TP53BP2: variants seen among roughly 807,000 people sequenced by gnomAD.
TP53BP2 encodes apoptosis-stimulating of p53 protein 2.
TP53BP2 carries 62 observed loss-of-function variants against 126.2 expected under a neutral mutation model. The ratio of observed to expected loss-of-function variants is 0.49; its 90% confidence interval spans 0.40 to 0.61. TP53BP2 has a LOEUF of 0.61. Among genes scored for constraint, TP53BP2 ranks in the 20% least tolerant of loss-of-function variants. The probability of loss-of-function intolerance (pLI) is 0.00; values close to 1 mark genes in which losing one functional copy is unlikely to be tolerated. For missense variants in TP53BP2, 1,215 were observed against 1,402.8 expected, an observed-to-expected ratio of 0.87 and a Z score of 2.14; for synonymous variants, 485 against 502.9, an observed-to-expected ratio of 0.96 and a Z score of 0.48.
chr1:223,802,951 A>C, intron 7 of TP53BP2, 56 bp from the exon 8 acceptor site: 14 of 1,587,082 alleles, frequency 8.8e-6, no homozygotes, highest in Non-Finnish European at 1.2e-5. Flanking sequence ...AAATGTCTCA[A>C]ACAGTTAATC....
At chr1:223,808,111 A>G (rs1425446002) in intron 4 of TP53BP2, among the ~76,000 whole-genome samples, 1 of 152,270 alleles carries the variant, frequency 6.6e-6, no homozygotes, top group Non-Finnish European at 1.5e-5. Context: ...GAGTACAAAA[A>G]TAGCCCCACA....
chr1:223,808,534 C>G (rs930591513), intron 4 of TP53BP2, among the ~76,000 whole-genome samples: 14 of 131,530 alleles, frequency 1.1e-4, no homozygotes, highest in Non-Finnish European at 1.8e-4. Context: ...GAGTGAGACT[C>G]TGTATCAAAA....
intron 7 of TP53BP2, 73 bp downstream of exon 7, chr1:223,803,198 C>T: frequency 2.0e-6 from 3 of 1,496,414 alleles, no homozygotes; most frequent in South Asian, 1.3e-5. Context: ...TCTAGCACCT[C>T]TTGCTACTTA....
Position 223,793,448 on chromosome 1 carries a change from GA to G in TP53BP2, c.2725-9del. ...CAAGTTTGTCCTTTTACCCTGCAAA[GA>G]AAATGGGTGGAAAATTTAGGATCCT... On this transcript the variant is annotated splice_polypyrimidine_tract_variant and intron_variant, in intron 13 of 17. Transcript: ENST00000343537. The G allele has an allele frequency of 6.4e-7, 1 of 1,559,180 alleles. No individual in the cohort carries two copies. The highest frequency in any genetic ancestry group is 2.1e-5 in the Admixed American group (1 of 48,510).
Position 223,782,951 on chromosome 1 carries a change from C to T in TP53BP2, c.3363+1164G>A, listed in dbSNP as rs553250021. Among the ~76,000 whole-genome samples, 86 of 152,268 alleles carry T rather than the reference C, an allele frequency of 5.6e-4. 1 individual carries two copies. The highest frequency in any genetic ancestry group is 6.8e-3 in the Middle Eastern group (2 of 294). ...AGGTGTATAAGTCATTTACACTGCA[C>T]GTTAGACAAACAACAGTGTGGAAGG... On this transcript the variant is annotated intron_variant, in intron 17 of 17. Transcript: ENST00000343537.
chr1:223,807,212 A>G (rs1662754427), intron 4 of TP53BP2, among the ~76,000 whole-genome samples: 1 of 152,250 alleles, frequency 6.6e-6, no homozygotes. Context: ...TAGTTTCAAC[A>G]GTCAGGGACA....
chr1:223,810,367 G>T, intron 4 of TP53BP2, 64 bp downstream of exon 4: 2 of 1,205,322 alleles, frequency 1.7e-6, no homozygotes, highest in South Asian at 1.7e-5. Context: ...TAATGAATAA[G>T]ATTTAAAGTT....
rs528842640 is a variant in TP53BP2, at chr1:223,812,690, G to A, written c.289+1550C>T. 6.6e-5 allele frequency among the ~76,000 whole-genome samples: 10 copies of A among 152,292 alleles called. No individual in the cohort carries two copies. The East Asian group carries it at 1.9e-3, about 29-fold the overall frequency. ...TTCTCCCGCCTCAGCCTCCCGAGTA[G>A]CTGGGATCACAGGCACATGCCACCA... On this transcript the variant is annotated intron_variant, in intron 3 of 17. Coordinates refer to ENST00000343537, the MANE Select transcript of TP53BP2 (RefSeq NM_001031685.3).
intron 14 of TP53BP2, 126 bp downstream of exon 14, chr1:223,793,177 C>T: frequency 1.3e-6 from 1 of 769,374 alleles, no homozygotes; most frequent in Admixed American, 4.0e-5. Flanking sequence ...TCTACAGTCG[C>T]TTTCTAATTA....
chr1:223,831,006 G>A (rs1663683838), intron 1 of TP53BP2, among the ~76,000 whole-genome samples: 1 of 152,068 alleles, frequency 6.6e-6, no homozygotes, highest in South Asian at 2.1e-4. Context: ...GCTGGGGCAG[G>A]AGAATGGCAT....
intron 7 of TP53BP2, 177 bp from the exon 8 acceptor site, chr1:223,803,072 G>T: frequency 1.1e-6 from 1 of 877,578 alleles, no homozygotes; most frequent in Non-Finnish European, 1.7e-6. Flanking sequence ...CACCAGCTGT[G>T]GTTATGAGGA....
intron 11 of TP53BP2, 62 bp downstream of exon 11, chr1:223,799,837 C>T: frequency 6.8e-7 from 1 of 1,464,598 alleles, no homozygotes; most frequent in South Asian, 1.5e-5. Flanking sequence ...TACTTTATCC[C>T]TTCTAAAAAC....
chr1:223,790,097 C>A (rs1662099983), intron 15 of TP53BP2, among the ~76,000 whole-genome samples: 1 of 151,468 alleles, frequency 6.6e-6, no homozygotes, highest in Non-Finnish European at 1.5e-5. Flanking sequence ...CATGGTAAAA[C>A]CCCAACTCTA....
chr1:223,825,026 AACACACACACAC>A (rs3058420), intron 1 of TP53BP2, among the ~76,000 whole-genome samples: 2 of 143,470 alleles, frequency 1.4e-5, no homozygotes, highest in Non-Finnish European at 3.1e-5. Flanking sequence ...TCCAACACCA[AACACACACACAC>A]ACACACACAC....
rs1352613633 is a variant in TP53BP2 at position 223,798,736 on chromosome 1, T to A, written c.1486-59A>T. 9 of 1,354,062 alleles carry A rather than the reference T, an allele frequency of 6.6e-6. No homozygotes were observed. In the Admixed American group the frequency reaches 2.0e-4, roughly 30 times the overall value. The allele number at this position is 1,354,062 out of a possible 1,614,324, so 83.9% of individuals were successfully genotyped here. On this transcript the variant is annotated intron_variant, in intron 11 of 17. Transcript: ENST00000343537. ...CTATATAACTGGGTACACAGGATGT[T>A]CTAGATAACCTAATTTCACAAATGT...
intron 1 of TP53BP2, 33 bp downstream of exon 1, chr1:223,845,621 C>T (rs1454194990): frequency 1.3e-6 from 2 of 1,541,978 alleles, no homozygotes; most frequent in South Asian, 1.2e-5. Flanking sequence ...CGCACACTTC[C>T]GGGCCCGACG....
At position 223,780,621 on chromosome 1, in the gene TP53BP2, C is replaced by T; in HGVS notation, c.*232G>A. The T allele has an allele frequency of 1.9e-6, 1 of 535,376 alleles. No individual in the cohort carries two copies. Among genetic ancestry groups the T allele is most frequent in the Non-Finnish European group, 3.3e-6 (1 of 300,722 alleles). 33.2% of individuals were successfully genotyped at this position (535,376 alleles called of 1,614,324 possible). A position where few individuals can be genotyped will look rare whatever the true frequency, so the allele number is the denominator to read the frequency against. The stretch of plus-strand genomic sequence containing the variant: ...ACTTATCTGAGTGCTACACGGGACA[C>T]CTTTGCCCCAACACAGTATGGCCTG... On this transcript the variant is annotated 3_prime_UTR_variant, in exon 18 of 18. Coordinates refer to ENST00000343537, the MANE Select transcript of TP53BP2 (RefSeq NM_001031685.3).
chr1:223,810,449 A>G lies in TP53BP2; in HGVS notation c.354T>C (p.Tyr118=), dbSNP rs1279887474. The part of the protein sequence containing the change: ...KRNGVKVPGE[Y]RRKENGVNSP... ...AACTTACACCGTTCTCCTTTCTTCGATATTCACCAGGAACTTTTACACCAT... is the reference window on the plus strand; with the variant it reads ...AACTTACACCGTTCTCCTTTCTTCGGTATTCACCAGGAACTTTTACACCAT... Residue 118 remains tyrosine, a synonymous_variant, in exon 4 of 18, where the codon TAT becomes TAC. Coordinates refer to ENST00000343537, the MANE Select transcript of TP53BP2 (RefSeq NM_001031685.3). 1 of 1,610,146 alleles carries G rather than the reference A, an allele frequency of 6.2e-7. No homozygotes were observed. The highest frequency in any genetic ancestry group is 8.5e-7 in the Non-Finnish European group (1 of 1,177,962).
intron 1 of TP53BP2, among the ~76,000 whole-genome samples, chr1:223,826,906 T>C (rs1364489301): frequency 6.6e-6 from 1 of 152,114 alleles, no homozygotes; most frequent in Non-Finnish European, 1.5e-5. Context: ...TTTGGATTAT[T>C]ATTTGAAGAT....
Sources: gnomAD v4.1 joint callset for allele counts (sites outside exome capture counted in the v4.1 genomes callset) on GRCh38, gnomAD v4.1.1 for gene constraint, MANE v1.5 for transcripts, NCBI Gene and HGNC (gene_info 2026-07-23, HGNC 2026-07-21) for gene names.